Variants in ZAR1L observed in about 807,000 individuals in gnomAD.
The protein encoded by ZAR1L is protein ZAR1-like.
ZAR1L carries 16 observed loss-of-function variants against 30.0 expected under a neutral mutation model. The ratio of observed to expected loss-of-function variants is 0.53; its 90% CI spans 0.36 to 0.81. The LOEUF (loss-of-function observed/expected upper bound fraction) is 0.81. Among genes scored for constraint, ZAR1L ranks in the 30% least tolerant of loss-of-function variants. The pLI is 0.00. For missense variants in ZAR1L, 392 were observed against 417.2 expected (o/e 0.94, Z 0.53); for synonymous variants, 197 against 166.8 (o/e 1.18, Z -1.40).
chr13:32,306,160 A>T (rs1199627170), intron 5 of ZAR1L, among the ~76,000 whole-genome samples: 1 of 152,232 alleles, frequency 6.6e-6, no homozygotes, highest in Admixed American at 6.5e-5. Flanking sequence ...TGAGATGAGA[A>T]ATACAAATGG....
intron 4 of ZAR1L, among the ~76,000 whole-genome samples, chr13:32,310,367 G>C (rs206109): frequency 0.55 from 83,251 of 152,126 alleles, 23,073 homozygotes; most frequent in East Asian, 0.64. Context: ...AAAACGGTTA[G>C]AAAAACTTCC....
intron 1 of ZAR1L, among the ~76,000 whole-genome samples, chr13:32,315,015 T>G (rs1055679340): frequency 6.6e-6 from 1 of 152,088 alleles, no homozygotes; most frequent in African/African-American, 2.4e-5. Context: ...ACTAAAATCC[T>G]CTGATTTCAA....
At chr13:32,309,033 C>T (rs1195239809) in intron 4 of ZAR1L, among the ~76,000 whole-genome samples, 1 of 150,416 alleles carries the variant, frequency 6.6e-6, no homozygotes, top group Non-Finnish European at 1.5e-5. Context: ...TCTTGTAATC[C>T]AGTCTGGAGT....
chr13:32,304,015 G>A lies in ZAR1L; in HGVS notation c.830C>T (p.Ser277Leu), dbSNP rs752318735. The A allele has an allele frequency of 6.4e-7, 1 of 1,551,298 alleles. No individual in the cohort carries two copies. The highest frequency in any genetic ancestry group is 1.4e-5 in the African/African-American group (1 of 73,120). ...TTGAGGACAGGAACAATGAGACTTT[G>A]AGCAGGTCTTTAGGAAACAAAGAAG... ...RVEAIQCQTC[S>L]KSHCSCPQKK... is the part of the protein sequence containing the mutation. Residue 277 changes from serine to leucine, a missense_variant, in exon 6 of 6, where the codon TCA becomes TTA. Physicochemically the swap from Ser to Leu is moderately radical, Grantham distance 145. Coordinates refer to ENST00000533490, the MANE Select transcript of ZAR1L (RefSeq NM_001136571.2).
chr13:32,310,771 G>A (rs540726310), intron 3 of ZAR1L, 40 bp from the exon 4 acceptor site: 2 of 1,348,958 alleles, frequency 1.5e-6, no homozygotes, highest in South Asian at 1.3e-5. Context: ...ATCATGCAAG[G>A]GGAAAAAAGC....
rs913372973 is a variant in ZAR1L at position 32,314,216 on chromosome 13, T to C, written c.-169+114A>G. On this transcript the variant is annotated intron_variant, in intron 2 of 5. Transcript: ENST00000533490. ...ATCACAGACGTATTTCTTTGCGAAT[T>C]AGACTTAGAGCAAAAGCTTTAGAAT... 71 of 58,824 alleles carry C rather than the reference T, an allele frequency of 1.2e-3. 1 individual carries two copies. Among genetic ancestry groups the C allele is most frequent in the African/African-American group, 4.3e-3 (70 of 16,224 alleles). 3.6% of individuals were successfully genotyped at this position (58,824 alleles called of 1,614,324 possible). A position where few individuals can be genotyped will look rare whatever the true frequency, so the allele number is the denominator to read the frequency against.
chr13:32,304,088 A>T (rs1479051581), intron 5 of ZAR1L, 66 bp from the exon 6 acceptor site: 1 of 1,485,298 alleles, frequency 6.7e-7, no homozygotes, highest in Non-Finnish European at 9.0e-7. Context: ...GTAACCCTCA[A>T]ATCACAGTAC....
chr13:32,308,914 G>GCCTT lies in ZAR1L; in HGVS notation c.748-155_748-154insAAGG, dbSNP rs1471796478. On this transcript the variant is annotated intron_variant, in intron 4 of 5. Transcript: ENST00000533490. ...CTTGCTTTTACCAACCTCTACCCTT[G>GCCTT]GGGTTTCAAGGTGTACTAGTTCTTA... 7.5e-3 allele frequency among the ~76,000 whole-genome samples: 1,132 copies of GCCTT among 151,586 alleles called. 17 individuals carry two copies. The highest frequency in any genetic ancestry group is 0.026 in the African/African-American group (1,088 of 41,294).
rs554298298 is a variant in ZAR1L at position 32,313,405 on chromosome 13, C to T, written c.-169+925G>A. ...TTGAAATGGAGTTTCCTTGCTCTGT[C>T]TCCCAGGCAGGAGTGCAGTGGCATG... On this transcript the variant is annotated intron_variant, in intron 2 of 5. Transcript: ENST00000533490. Among the ~76,000 whole-genome samples, 10 of 152,342 alleles carry T rather than the reference C, an allele frequency of 6.6e-5. No individual in the cohort carries two copies. In the South Asian group the frequency reaches 2.1e-3, roughly 32 times the overall value.
chr13:32,307,434 G>A (rs2138686194), intron 5 of ZAR1L, among the ~76,000 whole-genome samples: 1 of 135,460 alleles, frequency 7.4e-6, no homozygotes, highest in Non-Finnish European at 1.5e-5. Flanking sequence ...AGGAGGCAGA[G>A]CTTGTAGTGA....
At chr13:32,308,367 C>T (rs206101) in intron 5 of ZAR1L, among the ~76,000 whole-genome samples, 57,305 of 151,958 alleles carry the variant, frequency 0.38, 11,007 homozygotes, top group East Asian at 0.49. Context: ...GCATGTAAAG[C>T]ACTATCTCAA....
At chr13:32,313,712 T>C (rs2072229912) in intron 2 of ZAR1L, among the ~76,000 whole-genome samples, 1 of 152,172 alleles carries the variant, frequency 6.6e-6, no homozygotes, top group South Asian at 2.1e-4. Flanking sequence ...GTAAATTGAA[T>C]ACAAATAGTA....
chr13:32,309,134 G>C (rs756397476), intron 4 of ZAR1L, among the ~76,000 whole-genome samples: 8 of 151,936 alleles, frequency 5.3e-5, no homozygotes, highest in Non-Finnish European at 8.8e-5. Context: ...GGGATTACAG[G>C]TGCCCGCCAC....
chr13:32,314,907 T>G (rs775427497), intron 1 of ZAR1L, among the ~76,000 whole-genome samples: 7 of 151,722 alleles, frequency 4.6e-5, no homozygotes, highest in Non-Finnish European at 8.8e-5. Context: ...ACCTCACACT[T>G]CATGAGCGAG....
At chr13:32,308,288 T>C (rs1419287870) in intron 5 of ZAR1L, among the ~76,000 whole-genome samples, 5 of 152,226 alleles carry the variant, frequency 3.3e-5, no homozygotes, top group Non-Finnish European at 7.3e-5. Flanking sequence ...AAAGTTATTT[T>C]GAACTTAGCT....
At chr13:32,313,836 T>C (rs914694470) in intron 2 of ZAR1L, among the ~76,000 whole-genome samples, 1 of 152,170 alleles carries the variant, frequency 6.6e-6, no homozygotes, top group Non-Finnish European at 1.5e-5. Flanking sequence ...TGGGGGGCTG[T>C]ATAAAATGAC....
Position 32,312,110 on chromosome 13 carries a change from A to G in ZAR1L, c.-168-17T>C, listed in dbSNP as rs2072218422. 2.8e-6 allele frequency: 2 copies of G among 706,526 alleles called. No individual in the cohort carries two copies. The highest frequency in any genetic ancestry group is 2.1e-5 in the South Asian group (1 of 47,300). The allele number at this position is 706,526 out of a possible 1,614,324, so 43.8% of individuals were successfully genotyped here. ...CTTATTACCCTGATTGAGGGAGAGA[A>G]GCTCTATCTACAGATGTCTAATTGC... On this transcript the variant is annotated splice_polypyrimidine_tract_variant and intron_variant, in intron 2 of 5. Transcript: ENST00000533490.
At chr13:32,309,244 G>A (rs919843882) in intron 4 of ZAR1L, among the ~76,000 whole-genome samples, 6 of 151,878 alleles carry the variant, frequency 4.0e-5, no homozygotes, top group African/African-American at 1.5e-4. Context: ...TACCCACCTC[G>A]GCCTCCCAAA....
intron 5 of ZAR1L, among the ~76,000 whole-genome samples, chr13:32,305,507 T>G (rs541979416): frequency 6.6e-6 from 1 of 152,340 alleles, no homozygotes; most frequent in East Asian, 1.9e-4. Context: ...ATTACAGGCG[T>G]GAGCCACTGC....
Sources: allele counts gnomAD v4.1 joint callset (sites outside exome capture counted in the v4.1 genomes callset), GRCh38; gene constraint gnomAD v4.1.1; transcripts MANE v1.5; gene names NCBI Gene and HGNC (gene_info 2026-07-23, HGNC 2026-07-21).